The following SAMMSON variants were observed in gnomAD, a reference collection of about 807,000 sequenced individuals.
The protein encoded by SAMMSON is survival associated mitochondrial melanoma specific oncogenic non-coding RNA.
chr3:70,282,543 T>C (rs551672434), intron 6 of SAMMSON, among the ~76,000 whole-genome samples: 1 of 152,340 alleles, frequency 6.6e-6, no homozygotes, highest in Non-Finnish European at 1.5e-5. Context: ...TCTATTTTGT[T>C]GGCTTTGAAC....
At chr3:70,433,462 G>A (rs561835446) in intron 2 of SAMMSON, among the ~76,000 whole-genome samples, 25 of 152,096 alleles carry the variant, frequency 1.6e-4, no homozygotes, top group Admixed American at 9.2e-4. Flanking sequence ...CATTGTTGGC[G>A]GGGTGACTGT....
chr3:70,001,663 G>A (rs773489635), intron 1 of SAMMSON, among the ~76,000 whole-genome samples: 5 of 152,154 alleles, frequency 3.3e-5, no homozygotes, highest in South Asian at 4.2e-4. Flanking sequence ...GGGGAATCAC[G>A]ACTTTCTAAT....
At chr3:70,051,780 G>T (rs1265557232) in intron 3 of SAMMSON, among the ~76,000 whole-genome samples, 1 of 151,798 alleles carries the variant, frequency 6.6e-6, no homozygotes, top group Non-Finnish European at 1.5e-5. Context: ...TCTTAGCTTT[G>T]TAAAAAGTAA....
At chr3:70,218,733 G>A (rs140155338) in intron 4 of SAMMSON, among the ~76,000 whole-genome samples, 4 of 152,146 alleles carry the variant, frequency 2.6e-5, no homozygotes, top group African/African-American at 4.8e-5. Flanking sequence ...GAGACACAAG[G>A]ATTTGAGCTA....
At chr3:70,225,956 G>A (rs1042997766) in intron 4 of SAMMSON, among the ~76,000 whole-genome samples, 1 of 152,032 alleles carries the variant, frequency 6.6e-6, no homozygotes, top group Non-Finnish European at 1.5e-5. Context: ...TGATGCTTAC[G>A]TCATTAACAA....
intron 4 of SAMMSON, among the ~76,000 whole-genome samples, chr3:70,155,016 T>G (rs947599532): frequency 7.0e-6 from 1 of 143,692 alleles, no homozygotes; most frequent in African/African-American, 2.5e-5. Context: ...ACATTTCATG[T>G]TTTTTTTTTT....
At chr3:70,293,201 A>T (rs1255238265) in intron 7 of SAMMSON, among the ~76,000 whole-genome samples, 1 of 152,034 alleles carries the variant, frequency 6.6e-6, no homozygotes, top group Non-Finnish European at 1.5e-5. Context: ...CTGTCATGTA[A>T]GTCTGGTGAA....
rs67923303 is a variant in SAMMSON, at chr3:70,335,063, G to GAA, written n.740-19101_740-19100dup. ...TCACCCATAAACCTACTGCTTTGGG[G>GAA]AAAAAAAAAAAACAACTCTATAGTT... On this transcript the variant is annotated intron_variant and non_coding_transcript_variant, in intron 7 of 9. Transcript: ENST00000642114. Among the ~76,000 whole-genome samples the GAA allele has an allele frequency of 4.6e-3, 675 of 146,420 alleles. 3 individuals carry two copies. The highest frequency in any genetic ancestry group is 5.1e-3 in the Non-Finnish European group (336 of 66,310).
chr3:70,146,819 A>G (rs2067550924), intron 4 of SAMMSON, among the ~76,000 whole-genome samples: 1 of 152,004 alleles, frequency 6.6e-6, no homozygotes, highest in African/African-American at 2.4e-5. Context: ...CAAGCTAGGA[A>G]AATCCAGTAC....
chr3:70,251,851 T>G (rs184932258), intron 6 of SAMMSON, among the ~76,000 whole-genome samples: 1 of 152,170 alleles, frequency 6.6e-6, no homozygotes, highest in African/African-American at 2.4e-5. Flanking sequence ...GACTCATAGA[T>G]AAGCAAGAAA....
intron 9 of SAMMSON, among the ~76,000 whole-genome samples, chr3:70,363,063 GA>G (rs1702889003): frequency 6.6e-6 from 1 of 151,742 alleles, no homozygotes; most frequent in South Asian, 2.1e-4. Context: ...AAAGGGGAAT[GA>G]AAAAATAAAA....
chr3:70,295,052 G>T (rs902851601), intron 7 of SAMMSON, among the ~76,000 whole-genome samples: 3 of 152,268 alleles, frequency 2.0e-5, no homozygotes, highest in African/African-American at 7.2e-5. Context: ...AATAATCAAT[G>T]ATCTGTTGCC....
At chr3:70,307,753 T>G (rs1464996565) in intron 7 of SAMMSON, among the ~76,000 whole-genome samples, 1 of 152,206 alleles carries the variant, frequency 6.6e-6, no homozygotes, top group Non-Finnish European at 1.5e-5. Context: ...TGCCTCTGTT[T>G]CTTAGTTCTT....
At chr3:70,235,057 C>T (rs1452752248) in intron 4 of SAMMSON, among the ~76,000 whole-genome samples, 3 of 152,134 alleles carry the variant, frequency 2.0e-5, no homozygotes, top group Admixed American at 1.3e-4. Flanking sequence ...GTACGGTTTC[C>T]TATGATTGCA....
At chr3:70,179,848 A>G (rs1701037625) in intron 4 of SAMMSON, among the ~76,000 whole-genome samples, 1 of 152,022 alleles carries the variant, frequency 6.6e-6, no homozygotes, top group Non-Finnish European at 1.5e-5. Flanking sequence ...CATTAAGGAA[A>G]AGTTCAACTG....
Position 70,297,385 on chromosome 3 carries a change from A to C in SAMMSON, n.739+6142A>C, listed in dbSNP as rs115684717. On this transcript the variant is annotated intron_variant and non_coding_transcript_variant, in intron 7 of 9. Coordinates refer to ENST00000642114, the Ensembl canonical transcript of SAMMSON. Reference sequence around the variant, plus strand: ...ACTGGATATCTTGGTGGAGATTAAGAGTTTAGATATTTGAGCCACTCAAAG... The same window carrying C: ...ACTGGATATCTTGGTGGAGATTAAGCGTTTAGATATTTGAGCCACTCAAAG... Among the ~76,000 whole-genome samples the C allele has an allele frequency of 9.1e-3, 1,391 of 152,170 alleles. 3 individuals carry two copies. The highest frequency in any genetic ancestry group is 0.016 in the Non-Finnish European group (1,086 of 67,960).
At chr3:70,340,564 T>G (rs62258268) in intron 7 of SAMMSON, among the ~76,000 whole-genome samples, 9,157 of 152,132 alleles carry the variant, frequency 0.06, 416 homozygotes, top group Middle Eastern at 0.1. Flanking sequence ...ATGCCTGCCT[T>G]CCTTCAGGGA....
At chr3:70,018,547 A>AT (rs1024772487) in intron 3 of SAMMSON, among the ~76,000 whole-genome samples, 10 of 151,792 alleles carry the variant, frequency 6.6e-5, no homozygotes, top group South Asian at 2.1e-4. Context: ...GGATTCATTG[A>AT]TTTTTTTGAA....
intron 4 of SAMMSON, among the ~76,000 whole-genome samples, chr3:70,198,505 A>G (rs771872393): frequency 6.6e-6 from 1 of 152,232 alleles, no homozygotes; most frequent in Non-Finnish European, 1.5e-5. Flanking sequence ...AAAGAAAGCC[A>G]CTTTGGTTTC....
Sources: allele counts gnomAD v4.1 joint callset (sites outside exome capture counted in the v4.1 genomes callset), GRCh38; gene constraint gnomAD v4.1.1; transcripts MANE v1.5; gene names NCBI Gene and HGNC (gene_info 2026-07-23, HGNC 2026-07-21).